The following NAPEPLD variants were observed in gnomAD, a reference collection of about 807,000 sequenced individuals.
NAPEPLD encodes N-acyl-phosphatidylethanolamine-hydrolyzing phospholipase D.
A neutral mutation model predicts 38.1 loss-of-function variants in NAPEPLD; 23 were observed. The ratio of observed to expected loss-of-function variants is 0.60; its 90% CI spans 0.43 to 0.86. The LOEUF is 0.86. NAPEPLD is among the 40% of genes least tolerant of loss of function. The pLI, the probability that NAPEPLD is intolerant of heterozygous loss-of-function variation, is 0.00. For missense variants in NAPEPLD, 411 were observed against 476.8 expected, an observed-to-expected ratio of 0.86 and a Z score of 1.28; for synonymous variants, 147 against 162.0, an observed-to-expected ratio of 0.91 and a Z score of 0.71.
chr7:103,115,331 AG>A (rs897332587), intron 3 of NAPEPLD, 157 bp from the exon 4 acceptor site: 59 of 536,962 alleles, frequency 1.1e-4, no homozygotes, highest in Non-Finnish European at 1.8e-4. Flanking sequence ...GGGGAGGATG[AG>A]CTAGAAACCA....
Position 103,131,617 on chromosome 7 carries a change from G to A in NAPEPLD, c.-16-2825C>T, listed in dbSNP as rs1204019328. 4.0e-5 allele frequency among the ~76,000 whole-genome samples: 6 copies of A among 151,246 alleles called. No homozygotes were observed. The East Asian group carries it at 7.8e-4, about 20-fold the overall frequency. ...AGAGGTTGCAGTGAGCCGAGATCGC[G>A]CTGTTGCACTCCAGCCTGGGTGACA... is the stretch of plus-strand genomic sequence containing the variant. On this transcript the variant is annotated intron_variant, in intron 1 of 4. Transcript: ENST00000465647.
chr7:103,127,057 A>G (rs1807970938), intron 2 of NAPEPLD: 1 of 152,166 alleles, frequency 6.6e-6, no homozygotes, highest in Non-Finnish European at 1.5e-5. Flanking sequence ...AGGGAAGGAC[A>G]TTTTCAAAGA....
At chr7:103,124,662 T>G (rs1380103526) in intron 2 of NAPEPLD, among the ~76,000 whole-genome samples, 1 of 152,224 alleles carries the variant, frequency 6.6e-6, no homozygotes, top group Non-Finnish European at 1.5e-5. Flanking sequence ...AGTTAATGTT[T>G]TACTTTTCTC....
rs577120843 is a variant in NAPEPLD, at chr7:103,149,001, G to C, written c.-207C>G. On this transcript the variant is annotated 5_prime_UTR_variant, in exon 1 of 5. Transcript: ENST00000465647. ...ATGAAGCCCTGTCGCTCACAAGTGC[G>C]GCATCTCCGAGATGAGGGAGGGCTC... 3 of 985,276 alleles carry C rather than the reference G, an allele frequency of 3.0e-6. No homozygotes were observed. Among genetic ancestry groups the C allele is most frequent in the African/African-American group, 1.7e-5 (1 of 57,224 alleles). 61.0% of individuals were successfully genotyped at this position (985,276 alleles called of 1,614,324 possible). A position where few individuals can be genotyped will look rare whatever the true frequency, so the allele number is the denominator to read the frequency against.
rs763349876 is a variant in NAPEPLD, at chr7:103,128,583, A to C, written c.194T>G (p.Phe65Cys). 2 of 1,614,050 alleles carry C rather than the reference A, an allele frequency of 1.2e-6. No individual in the cohort carries two copies. The change falls in exon 2 of 5, where the codon TTT becomes TGT. Residue 65 changes from phenylalanine (F) to cysteine (C), a missense_variant. Coordinates refer to ENST00000465647, the MANE Select transcript of NAPEPLD (RefSeq NM_001122838.3). ...TKSKKGKDGRFVNPWPTWKNP... is the reference protein window; with the variant it reads ...TKSKKGKDGRCVNPWPTWKNP... ...TTTCCATGTTGGCCACGGATTCACA[A>C]ATCTCCCATCTTTTCCTTTCTTGGA...
intron 3 of NAPEPLD, among the ~76,000 whole-genome samples, 197 bp downstream of exon 3, chr7:103,119,380 T>C (rs1015839119): frequency 2.6e-5 from 4 of 151,974 alleles, no homozygotes; most frequent in Non-Finnish European, 5.9e-5. Flanking sequence ...TTTTTACTTG[T>C]CAATTTAAAA....
chr7:103,107,635 A>G (rs1803645399), intron 4 of NAPEPLD, among the ~76,000 whole-genome samples: 1 of 152,014 alleles, frequency 6.6e-6, no homozygotes, highest in Admixed American at 6.6e-5. Context: ...TCGATCAAGC[A>G]GAAGAAAGGA....
At chr7:103,113,625 A>C (rs1055648739) in intron 4 of NAPEPLD, among the ~76,000 whole-genome samples, 10 of 100,830 alleles carry the variant, frequency 9.9e-5, no homozygotes, top group Middle Eastern at 6.8e-3. Flanking sequence ...ACAGAGTCTC[A>C]CTTTTTTTTT....
rs759952828 is a variant in NAPEPLD, at chr7:103,128,602, T to C, written c.175A>G (p.Lys59Glu). 1.9e-6 allele frequency: 3 copies of C among 1,614,232 alleles called. No individual in the cohort carries two copies. The South Asian group carries it at 3.3e-5, about 18-fold the overall frequency. Residue 59 changes from lysine (K) to glutamate (E), a missense_variant, in exon 2 of 5, where the codon AAA becomes GAA. Transcript: ENST00000465647. ...TTCACAAATCTCCCATCTTTTCCTTTCTTGGATTTAGTTACATCTTCTTCT... is the reference window on the plus strand; with the variant it reads ...TTCACAAATCTCCCATCTTTTCCTTCCTTGGATTTAGTTACATCTTCTTCT... ...RLEEDVTKSK[K>E]GKDGRFVNPW...
intron 1 of NAPEPLD, among the ~76,000 whole-genome samples, chr7:103,135,716 T>C (rs1339630975): frequency 7.0e-6 from 1 of 142,372 alleles, no homozygotes; most frequent in African/African-American, 2.6e-5. Context: ...ACGCATAATA[T>C]ACATTTAGAT....
At chr7:103,119,217 A>AT (rs1010292458) in intron 3 of NAPEPLD, among the ~76,000 whole-genome samples, 1 of 152,040 alleles carries the variant, frequency 6.6e-6, no homozygotes, top group Non-Finnish European at 1.5e-5. Flanking sequence ...ATTTTGAGTA[A>AT]TTTTTTTAAC....
intron 4 of NAPEPLD, among the ~76,000 whole-genome samples, chr7:103,110,553 A>G (rs1472659606): frequency 6.6e-6 from 1 of 152,056 alleles, no homozygotes; most frequent in Non-Finnish European, 1.5e-5. Context: ...GTTATTCAAT[A>G]AACTAGGTAT....
intron 3 of NAPEPLD, among the ~76,000 whole-genome samples, chr7:103,116,933 T>C (rs777435269): frequency 6.6e-6 from 1 of 152,212 alleles, no homozygotes; most frequent in Non-Finnish European, 1.5e-5. Context: ...CATCATCTAC[T>C]TTCATAGAAT....
In NAPEPLD at chr7:103,148,889, C is replaced by G; in HGVS notation, c.-95G>C. ...CTCAAATCCCAGACAGCTACTCTCC[C>G]AAAGAGAAAAAAAATAATGCTGTGG... On this transcript the variant is annotated 5_prime_UTR_variant, in exon 1 of 5. Transcript: ENST00000465647. The G allele has an allele frequency of 1.0e-6, 1 of 985,278 alleles. No homozygotes were observed. Among genetic ancestry groups the G allele is most frequent in the Middle Eastern group, 5.2e-4 (1 of 1,914 alleles). 61.0% of individuals were successfully genotyped at this position (985,278 alleles called of 1,614,324 possible).
rs182447898 is a variant in NAPEPLD at position 103,109,351 on chromosome 7, C to T, written c.1056+5709G>A. Among the ~76,000 whole-genome samples, 17 of 152,234 alleles carry T rather than the reference C, an allele frequency of 1.1e-4. No individual in the cohort carries two copies. In the East Asian group the frequency reaches 2.9e-3, roughly 26 times the overall value. Reference sequence around the variant, plus strand: ...CCACATAATTGGAAGTAAAACACTCCTCAACAAATGCAAAAGAAAGGAAAT... The same window carrying T: ...CCACATAATTGGAAGTAAAACACTCTTCAACAAATGCAAAAGAAAGGAAAT... On this transcript the variant is annotated intron_variant, in intron 4 of 4. Transcript: ENST00000465647.
chr7:103,131,265 G>C (rs12539672), intron 1 of NAPEPLD, among the ~76,000 whole-genome samples: 4 of 151,960 alleles, frequency 2.6e-5, no homozygotes, highest in Admixed American at 6.6e-5. Flanking sequence ...AGGGATAAGG[G>C]AGAAAGGAAA....
At chr7:103,109,838 CAA>C (rs1804160309) in intron 4 of NAPEPLD, among the ~76,000 whole-genome samples, 1 of 151,464 alleles carries the variant, frequency 6.6e-6, no homozygotes, top group African/African-American at 2.4e-5. Flanking sequence ...TAATAAAGAA[CAA>C]AAGAGAGAAG....
intron 1 of NAPEPLD, 121 bp from the exon 2 acceptor site, chr7:103,128,913 T>A: frequency 1.9e-6 from 2 of 1,045,216 alleles, no homozygotes; most frequent in Non-Finnish European, 2.7e-6. Flanking sequence ...ATGTCTGTAT[T>A]AGCTGAAACT....
rs1013664403 is a variant in NAPEPLD, at chr7:103,147,063, C to T, written c.-17+1748G>A. On this transcript the variant is annotated intron_variant, in intron 1 of 4. Transcript: ENST00000465647. Reference sequence around the variant, plus strand: ...AACTGCCCCTGGGGATATATGAGTTCGTATGCAATCTGTCTCCAAAGTCTG... The same window carrying T: ...AACTGCCCCTGGGGATATATGAGTTTGTATGCAATCTGTCTCCAAAGTCTG... Among the ~76,000 whole-genome samples the T allele has an allele frequency of 3.9e-5, 6 of 152,234 alleles. No individual in the cohort carries two copies. In the South Asian group the frequency reaches 1.0e-3, roughly 26 times the overall value.
Sources: gnomAD v4.1 joint callset for allele counts (sites outside exome capture counted in the v4.1 genomes callset) on GRCh38, gnomAD v4.1.1 for gene constraint, MANE v1.5 for transcripts, NCBI Gene and HGNC (gene_info 2026-07-23, HGNC 2026-07-21) for gene names.